Variants in RANBP17 observed in about 807,000 individuals in gnomAD.
The protein encoded by RANBP17 is ran-binding protein 17.
A neutral mutation model predicts 141.2 loss-of-function variants in RANBP17; 158 were observed. The ratio of observed to expected loss-of-function variants is 1.12; its 90% confidence interval spans 0.98 to 1.28. RANBP17 has a LOEUF of 1.28. RANBP17 is among the 50% of genes most tolerant of loss of function. The pLI, the probability that RANBP17 is intolerant of heterozygous loss-of-function variation, is 0.00. For synonymous variants in RANBP17, 430 were observed against 450.0 expected (o/e 0.96, Z 0.56); for missense variants, 1,438 against 1,290.7 (o/e 1.11, Z -1.75).
intron 24 of RANBP17, among the ~76,000 whole-genome samples, chr5:171,264,996 C>T (rs1379086610): frequency 6.6e-6 from 1 of 152,182 alleles, no homozygotes; most frequent in Non-Finnish European, 1.5e-5. Flanking sequence ...TTTTACACAG[C>T]ATTATGCTAC....
intron 14 of RANBP17, among the ~76,000 whole-genome samples, chr5:171,148,103 C>G (rs895750413): frequency 5.9e-5 from 9 of 152,046 alleles, no homozygotes; most frequent in Non-Finnish European, 1.2e-4. Context: ...CAACCCTGTG[C>G]TCTCTGAAAC....
chr5:171,151,736 C>A (rs989657896), intron 14 of RANBP17, among the ~76,000 whole-genome samples: 1 of 152,108 alleles, frequency 6.6e-6, no homozygotes, highest in Non-Finnish European at 1.5e-5. Context: ...GTAATCGCCT[C>A]CTTCAAGTTC....
intron 14 of RANBP17, among the ~76,000 whole-genome samples, chr5:171,008,625 C>A (rs1779821133): frequency 6.6e-6 from 1 of 152,078 alleles, no homozygotes; most frequent in South Asian, 2.1e-4. Flanking sequence ...AGTACATTCT[C>A]AAGGGTGGGG....
intron 14 of RANBP17, among the ~76,000 whole-genome samples, chr5:171,087,842 T>C (rs1289030958): frequency 6.6e-6 from 1 of 151,342 alleles, no homozygotes; most frequent in African/African-American, 2.4e-5. Flanking sequence ...TCCTTTTATT[T>C]TGAGCCTATG....
chr5:171,247,860 A>T (rs947253032), intron 24 of RANBP17, among the ~76,000 whole-genome samples: 5 of 152,356 alleles, frequency 3.3e-5, no homozygotes, highest in Middle Eastern at 3.4e-3. Context: ...GATAAGCAAT[A>T]ATTGAACAAA....
In RANBP17 at chr5:171,183,308, T is replaced by C. The variant is rs771896915; in HGVS notation, c.1930-14T>C. The C allele has an allele frequency of 6.2e-7, 1 of 1,603,588 alleles. No homozygotes were observed. The highest frequency in any genetic ancestry group is 8.5e-7 in the Non-Finnish European group (1 of 1,170,436). ...AAGTGTTAGTAACTTGGATTACTCT[T>C]TTGCTTTCATTAGAGTGAACACTTC... On this transcript the variant is annotated splice_polypyrimidine_tract_variant and intron_variant, in intron 17 of 27. Transcript: ENST00000523189.
intron 14 of RANBP17, among the ~76,000 whole-genome samples, chr5:171,105,100 C>T (rs139346059): frequency 0.053 from 8,003 of 151,956 alleles, 268 homozygotes; most frequent in East Asian, 0.12. Context: ...AAAAATTTTC[C>T]AGCCGGGCGC....
chr5:170,946,952 G>A (rs993808598), intron 12 of RANBP17, among the ~76,000 whole-genome samples: 1 of 152,154 alleles, frequency 6.6e-6, no homozygotes, highest in Non-Finnish European at 1.5e-5. Flanking sequence ...TTTGCTCTGA[G>A]CTTGAAACAT....
chr5:171,288,814 G>GACAA (rs1184549459), intron 25 of RANBP17, among the ~76,000 whole-genome samples: 3 of 152,130 alleles, frequency 2.0e-5, no homozygotes, highest in African/African-American at 7.2e-5. Context: ...TAGAAATGAT[G>GACAA]GTGCCCTGGC....
At chr5:171,088,272 T>G (rs889200670) in intron 14 of RANBP17, among the ~76,000 whole-genome samples, 33 of 152,286 alleles carry the variant, frequency 2.2e-4, no homozygotes, top group South Asian at 1.2e-3. Context: ...TTCTTTTCTT[T>G]AAGAATGTTG....
chr5:171,098,731 G>A (rs1255681622), intron 14 of RANBP17, among the ~76,000 whole-genome samples: 1 of 152,100 alleles, frequency 6.6e-6, no homozygotes, highest in Non-Finnish European at 1.5e-5. Context: ...GTCCTGAATG[G>A]TATTGCCTAG....
At chr5:171,226,437 G>T (rs1015786084) in intron 22 of RANBP17, among the ~76,000 whole-genome samples, 3 of 152,286 alleles carry the variant, frequency 2.0e-5, no homozygotes, top group Middle Eastern at 3.4e-3. Flanking sequence ...TTTAAAAATG[G>T]ATAGTACAAG....
At chr5:170,989,707 G>A (rs1778377816) in intron 14 of RANBP17, among the ~76,000 whole-genome samples, 1 of 151,670 alleles carries the variant, frequency 6.6e-6, no homozygotes, top group African/African-American at 2.4e-5. Context: ...TGGAGTATGT[G>A]TGTTTTTATA....
intron 14 of RANBP17, chr5:171,143,563 A>T (rs1757844332): frequency 6.6e-6 from 1 of 152,202 alleles, no homozygotes; most frequent in African/African-American, 2.4e-5. Flanking sequence ...GCCTAGAGAT[A>T]CGAATTACCT....
At chr5:170,999,757 A>C (rs1267867455) in intron 14 of RANBP17, among the ~76,000 whole-genome samples, 3 of 152,190 alleles carry the variant, frequency 2.0e-5, no homozygotes, top group Non-Finnish European at 4.4e-5. Context: ...ATACAACATA[A>C]AATTTACTAT....
chr5:171,131,780 C>T (rs1756938943), intron 14 of RANBP17, among the ~76,000 whole-genome samples: 1 of 152,174 alleles, frequency 6.6e-6, no homozygotes, highest in South Asian at 2.1e-4. Context: ...ATTTATCCTG[C>T]CTATGCTGTC....
intron 14 of RANBP17, among the ~76,000 whole-genome samples, chr5:171,123,456 G>C (rs1186827344): frequency 1.3e-5 from 2 of 152,202 alleles, no homozygotes; most frequent in Non-Finnish European, 2.9e-5. Context: ...GTTTAAGTTA[G>C]GTGGTTGCCC....
intron 24 of RANBP17, chr5:171,252,016 G>T: frequency 6.2e-7 from 1 of 1,607,438 alleles, no homozygotes; most frequent in Non-Finnish European, 8.5e-7. Flanking sequence ...AACAGTTCTT[G>T]CATAGAAGAG....
intron 14 of RANBP17, among the ~76,000 whole-genome samples, chr5:170,972,739 T>A (rs1205470857): frequency 1.3e-5 from 2 of 152,168 alleles, no homozygotes; most frequent in African/African-American, 2.4e-5. Context: ...GGCTGTAAAA[T>A]GTACATATCT....
Sources: gnomAD v4.1 joint callset for allele counts (sites outside exome capture counted in the v4.1 genomes callset) on GRCh38, gnomAD v4.1.1 for gene constraint, MANE v1.5 for transcripts, NCBI Gene and HGNC (gene_info 2026-07-23, HGNC 2026-07-21) for gene names.